ABLIM2: variants seen among roughly 807,000 people sequenced by gnomAD.
ABLIM2 encodes the protein actin binding LIM protein family member 2, also known as actin-binding LIM protein 2.
ABLIM2 carries 53 observed loss-of-function variants against 97.7 expected under a neutral mutation model. The ratio of observed to expected loss-of-function variants is 0.54; its 90% confidence interval spans 0.44 to 0.68. ABLIM2 has a LOEUF of 0.68. Among genes scored for constraint, ABLIM2 ranks in the 30% least tolerant of loss-of-function variants. The pLI is 0.00. For synonymous variants in ABLIM2, 361 were observed against 345.8 expected (o/e 1.04, Z -0.49); for missense variants, 835 against 867.2 (o/e 0.96, Z 0.47).
chr4:8,032,776 A>G lies in ABLIM2; in HGVS notation c.1048-3000T>C, dbSNP rs148358558. 1,251 of 1,252,718 alleles carry G rather than the reference A, an allele frequency of 1.0e-3. 3 individuals carry two copies. The highest frequency in any genetic ancestry group is 1.4e-3 in the Non-Finnish European group (1,160 of 858,412). 77.6% of individuals were successfully genotyped at this position (1,252,718 alleles called of 1,614,324 possible). On this transcript the variant is annotated intron_variant, in intron 10 of 20. Coordinates refer to ENST00000447017, the MANE Select transcript of ABLIM2 (RefSeq NM_001130083.2). This position sits in a 1 kb window ranked among gnomAD's most constrained non-coding sequence, Gnocchi z 4.3. ...ACTGGCAGGCAACACAGGCGCAAAC[A>G]CCCACACAGAGCCCTGATCCTCCAG...
Position 8,107,101 on chromosome 4 carries a change from A to G in ABLIM2, c.11-464T>C, listed in dbSNP as rs537571578. On this transcript the variant is annotated intron_variant, in intron 1 of 20. Coordinates refer to ENST00000447017, the MANE Select transcript of ABLIM2 (RefSeq NM_001130083.2). ...CCAACATCCTCTCTTCTGCCAGTACAGCAGCCACGGTCCTCAGGGGAGCTC... is the reference window on the plus strand; with the variant it reads ...CCAACATCCTCTCTTCTGCCAGTACGGCAGCCACGGTCCTCAGGGGAGCTC... Among the ~76,000 whole-genome samples the G allele has an allele frequency of 2.0e-5, 3 of 152,364 alleles. No homozygotes were observed. The East Asian group carries it at 5.8e-4, about 29-fold the overall frequency.
At position 8,097,106 on chromosome 4, in the gene ABLIM2, C is replaced by T. The variant is rs764119014; in HGVS notation, c.331G>A (p.Val111Ile). 303 of 1,605,258 alleles carry T rather than the reference C, an allele frequency of 1.9e-4. No homozygotes were observed. The highest frequency in any genetic ancestry group is 2.5e-4 in the Non-Finnish European group (291 of 1,175,146). The part of the protein sequence containing the change: ...TYHPDCFVCA[V>I]CRLPFPPGDR... The stretch of plus-strand genomic sequence containing the variant: ...AGGTGCCCACTTACTCACCGGCAGA[C>T]GGCACACACGAAGCAGTCGGGGTGG... Residue 111 changes from valine (V) to isoleucine (I), a missense_variant, in exon 3 of 21, where the codon GTC (valine) becomes ATC (isoleucine). Val to Ile is a conservative substitution (Grantham distance 29). Coordinates refer to ENST00000447017, the MANE Select transcript of ABLIM2 (RefSeq NM_001130083.2).
In ABLIM2 at chr4:8,132,979, C is replaced by T. The variant is rs568173320; in HGVS notation, c.10+25701G>A. Among the ~76,000 whole-genome samples the T allele has an allele frequency of 1.8e-4, 27 of 152,288 alleles. No individual in the cohort carries two copies. The highest frequency in any genetic ancestry group is 6.5e-4 in the African/African-American group (27 of 41,556). ...AGCTTAACAACAGGCATTTACTCTC[C>T]CCGGTTCTGGAGACCAGAAGTCCCA... On this transcript the variant is annotated intron_variant, in intron 1 of 20. Coordinates refer to ENST00000447017, the MANE Select transcript of ABLIM2 (RefSeq NM_001130083.2). The surrounding 1 kb of genome is among the most constrained non-coding windows in gnomAD (Gnocchi z 8.0).
intron 4 of ABLIM2, among the ~76,000 whole-genome samples, chr4:8,081,911 C>A (rs144469760): frequency 3.0e-4 from 45 of 152,268 alleles, no homozygotes; most frequent in Middle Eastern, 3.4e-3. Context: ...CTGCACCTGT[C>A]ATAGCTGAAT....
In ABLIM2 at chr4:8,015,057, A is replaced by G. The variant is rs1767939107; in HGVS notation, c.1423+4561T>C. Reference sequence around the variant, plus strand: ...TACTTCAGCCTCCCGAGTAGCTGGGATTACAGGCGCCGGCCACCACACTTG... The same window carrying G: ...TACTTCAGCCTCCCGAGTAGCTGGGGTTACAGGCGCCGGCCACCACACTTG... On this transcript the variant is annotated intron_variant, in intron 14 of 20. Transcript: ENST00000447017. The surrounding 1 kb of genome is among the most constrained non-coding windows in gnomAD (Gnocchi z 4.6). Among the ~76,000 whole-genome samples, 1 of 151,838 alleles carries G rather than the reference A, an allele frequency of 6.6e-6. No individual in the cohort carries two copies. Among genetic ancestry groups the G allele is most frequent in the Admixed American group, 6.6e-5 (1 of 15,242 alleles).
Position 8,106,633 on chromosome 4 carries a change from C to T in ABLIM2, c.15G>A (p.Ser5=), listed in dbSNP as rs759729637. 60 of 1,606,028 alleles carry T rather than the reference C, an allele frequency of 3.7e-5. No homozygotes were observed. The highest frequency in any genetic ancestry group is 3.1e-5 in the Non-Finnish European group (37 of 1,176,226). Residue 5 remains serine, a synonymous_variant, in exon 2 of 21, where the codon TCG becomes TCA. Transcript: ENST00000447017. ...GCGGGCTGGGAGCAGCCTGGGGCTG[C>T]GACACTGTTGGGAAAGAGAGAAGAG... MSAV[S]QPQAAPSPLE...
chr4:8,065,069 G>C (rs1806132113), intron 6 of ABLIM2, among the ~76,000 whole-genome samples: 1 of 152,130 alleles, frequency 6.6e-6, no homozygotes, highest in Non-Finnish European at 1.5e-5. Context: ...GGGCAACATA[G>C]TGAGACATGG....
chr4:8,144,937 C>T (rs1162426456), intron 1 of ABLIM2, among the ~76,000 whole-genome samples: 1 of 152,238 alleles, frequency 6.6e-6, no homozygotes, highest in African/African-American at 2.4e-5. Context: ...CGTGGGGAGA[C>T]ACGCTCTGGG....
intron 1 of ABLIM2, among the ~76,000 whole-genome samples, chr4:8,152,989 T>G (rs1410406197): frequency 6.6e-6 from 1 of 151,896 alleles, no homozygotes; most frequent in Non-Finnish European, 1.5e-5. Flanking sequence ...AGCCAAGGGG[T>G]GCAGCAAGGA....
At chr4:8,062,178 C>T (rs1803621734) in intron 6 of ABLIM2, among the ~76,000 whole-genome samples, 1 of 152,196 alleles carries the variant, frequency 6.6e-6, no homozygotes, top group Admixed American at 6.5e-5. Flanking sequence ...CACTCGGGAG[C>T]TTTCTCTGAA....
intron 3 of ABLIM2, among the ~76,000 whole-genome samples, chr4:8,091,867 A>G (rs1245838288): frequency 8.8e-6 from 1 of 113,714 alleles, no homozygotes; most frequent in Non-Finnish European, 1.7e-5. Context: ...TATATTATAT[A>G]TACAATATAT....
At chr4:8,024,555 C>T (rs1251802772) in intron 12 of ABLIM2, among the ~76,000 whole-genome samples, 1 of 152,210 alleles carries the variant, frequency 6.6e-6, no homozygotes, top group Non-Finnish European at 1.5e-5. Context: ...GCGACGCTGC[C>T]TGGTGTCCAG....
chr4:8,088,898 C>G lies in ABLIM2; in HGVS notation c.339-614G>C, dbSNP rs75000857. Among the ~76,000 whole-genome samples, 5 of 152,314 alleles carry G rather than the reference C, an allele frequency of 3.3e-5. No homozygotes were observed. In the East Asian group the frequency reaches 9.6e-4, roughly 29 times the overall value. ...GAACCAGAATCAAACCAAGACCTGTCTGGCTTCAAAGTTCCACGATTTAAC... is the reference window on the plus strand; with the variant it reads ...GAACCAGAATCAAACCAAGACCTGTGTGGCTTCAAAGTTCCACGATTTAAC... On this transcript the variant is annotated intron_variant, in intron 3 of 20. Transcript: ENST00000447017.
intron 9 of ABLIM2, among the ~76,000 whole-genome samples, chr4:8,039,896 T>TA (rs1787173821): frequency 1.4e-5 from 2 of 142,934 alleles, no homozygotes; most frequent in Admixed American, 7.2e-5. Flanking sequence ...TTTTTTTTTT[T>TA]AATAAATGCA....
At chr4:7,967,188 C>T in intron 20 of ABLIM2, 85 bp from the exon 21 acceptor site, 1 of 1,137,238 alleles carries the variant, frequency 8.8e-7, no homozygotes, top group South Asian at 1.3e-5. Flanking sequence ...GCCAAGCAAT[C>T]CAGGGGCAGG....
chr4:8,084,782 C>A (rs1195664670), intron 4 of ABLIM2, among the ~76,000 whole-genome samples: 1 of 152,226 alleles, frequency 6.6e-6, no homozygotes, highest in Admixed American at 6.5e-5. Flanking sequence ...GCCGCCCACG[C>A]CCCTGCTGGC....
intron 20 of ABLIM2, among the ~76,000 whole-genome samples, chr4:7,976,870 CATAA>C (rs140275877): frequency 0.028 from 4,279 of 151,752 alleles, 99 homozygotes; most frequent in Non-Finnish European, 0.044. Context: ...CGTATACATA[CATAA>C]ACATACACAC....
intron 14 of ABLIM2, among the ~76,000 whole-genome samples, chr4:8,010,218 A>C (rs569778352): frequency 6.6e-6 from 1 of 152,366 alleles, no homozygotes; most frequent in Non-Finnish European, 1.5e-5. Flanking sequence ...AGCTGGGCTG[A>C]CATTTCCAGC....
At chr4:7,984,722 C>T (rs565370124) in intron 18 of ABLIM2, 117 bp downstream of exon 18, 300 of 1,162,496 alleles carry the variant, frequency 2.6e-4, no homozygotes, top group Non-Finnish European at 3.4e-4. Flanking sequence ...TGTCCCCGCC[C>T]GGCACTCCCG....
Sources: allele counts gnomAD v4.1 joint callset (sites outside exome capture counted in the v4.1 genomes callset), GRCh38; gene constraint gnomAD v4.1.1; non-coding constraint Gnocchi (gnomAD v3.1); transcripts MANE v1.5; gene names NCBI Gene and HGNC (gene_info 2026-07-23, HGNC 2026-07-21).